The following HS3ST5 variants were observed in gnomAD, a reference collection of about 807,000 sequenced individuals.
The protein encoded by HS3ST5 is heparan sulfate-glucosamine 3-sulfotransferase 5, also known as heparan sulfate glucosamine 3-O-sulfotransferase 5.
HS3ST5 carries 10 observed loss-of-function variants against 25.4 expected under a neutral mutation model. The ratio of observed to expected loss-of-function variants is 0.39; its 90% CI spans 0.24 to 0.67. The LOEUF (loss-of-function observed/expected upper bound fraction) is 0.67. Among genes scored for constraint, HS3ST5 ranks in the 30% least tolerant of loss-of-function variants. The probability of loss-of-function intolerance (pLI) is 0.44; values close to 1 mark genes in which losing one functional copy is unlikely to be tolerated. For missense variants in HS3ST5, 324 were observed against 420.7 expected (o/e 0.77, Z 2.01); for synonymous variants, 170 against 162.4 (o/e 1.05, Z -0.36).
intron 1 of HS3ST5, among the ~76,000 whole-genome samples, chr6:114,287,279 T>C (rs1774380466): frequency 6.6e-6 from 1 of 152,028 alleles, no homozygotes; most frequent in African/African-American, 2.4e-5. Flanking sequence ...TATTTAATCA[T>C]TAGTTTACAA....
intron 3 of HS3ST5, among the ~76,000 whole-genome samples, chr6:114,071,711 C>G (rs1339563950): frequency 6.6e-6 from 1 of 152,124 alleles, no homozygotes; most frequent in Non-Finnish European, 1.5e-5. Flanking sequence ...TTGTATACTA[C>G]TTAGCAGGTT....
intron 4 of HS3ST5, among the ~76,000 whole-genome samples, chr6:114,062,225 A>G (rs1454798417): frequency 6.6e-6 from 1 of 152,202 alleles, no homozygotes; most frequent in Non-Finnish European, 1.5e-5. Flanking sequence ...TCAGCCCCTG[A>G]AAACCAGAGC....
chr6:114,113,946 C>T (rs867249999), intron 3 of HS3ST5, among the ~76,000 whole-genome samples: 1 of 152,056 alleles, frequency 6.6e-6, no homozygotes, highest in Non-Finnish European at 1.5e-5. Flanking sequence ...CAGTACCTAC[C>T]CATCTTTCTT....
chr6:114,119,819 G>T (rs143138666), intron 3 of HS3ST5, among the ~76,000 whole-genome samples: 2 of 152,192 alleles, frequency 1.3e-5, no homozygotes, highest in African/African-American at 4.8e-5. Context: ...AAAATGTTGG[G>T]GTTCAAAGAG....
chr6:114,206,068 C>A (rs1781266035), intron 2 of HS3ST5, among the ~76,000 whole-genome samples: 1 of 152,174 alleles, frequency 6.6e-6, no homozygotes, highest in Non-Finnish European at 1.5e-5. Flanking sequence ...CCTTCCTGCT[C>A]CCTCTTCACT....
At chr6:114,101,749 C>T (rs944955011) in intron 3 of HS3ST5, among the ~76,000 whole-genome samples, 11 of 152,250 alleles carry the variant, frequency 7.2e-5, no homozygotes, top group African/African-American at 2.4e-4. Flanking sequence ...CACATGCACA[C>T]GTGTGTTCAT....
At chr6:114,246,604 G>A (rs944121085) in intron 1 of HS3ST5, among the ~76,000 whole-genome samples, 1 of 152,166 alleles carries the variant, frequency 6.6e-6, no homozygotes, top group Non-Finnish European at 1.5e-5. Flanking sequence ...CTTAGGCAAC[G>A]CTTATACAGC....
intron 3 of HS3ST5, among the ~76,000 whole-genome samples, chr6:114,113,106 C>T (rs930444368): frequency 6.6e-6 from 1 of 152,166 alleles, no homozygotes; most frequent in African/African-American, 2.4e-5. Flanking sequence ...CCTGTTGTCT[C>T]TACACCATAG....
chr6:114,279,477 T>C (rs1401031925), intron 1 of HS3ST5, among the ~76,000 whole-genome samples: 2 of 152,060 alleles, frequency 1.3e-5, no homozygotes, highest in African/African-American at 2.4e-5. Context: ...ATCTAGACCA[T>C]GCGGTGATGG....
intron 1 of HS3ST5, among the ~76,000 whole-genome samples, chr6:114,326,178 C>CA (rs1454407580): frequency 6.6e-6 from 1 of 152,134 alleles, no homozygotes; most frequent in Non-Finnish European, 1.5e-5. Flanking sequence ...CACCTGAGCT[C>CA]AGGAGTTCCA....
chr6:114,330,801 T>G (rs1050581699), intron 1 of HS3ST5, among the ~76,000 whole-genome samples: 7 of 152,106 alleles, frequency 4.6e-5, no homozygotes, highest in African/African-American at 1.7e-4. Flanking sequence ...GACTGCAACA[T>G]GCGTCATTAC....
At chr6:114,060,538 A>C (rs1773049314) in intron 4 of HS3ST5, among the ~76,000 whole-genome samples, 1 of 151,898 alleles carries the variant, frequency 6.6e-6, no homozygotes, top group Admixed American at 6.5e-5. Context: ...TTAAGCTCTA[A>C]TTCCATAAGG....
chr6:114,156,894 A>G (rs966467839), intron 3 of HS3ST5, among the ~76,000 whole-genome samples: 3 of 148,256 alleles, frequency 2.0e-5, no homozygotes, highest in Non-Finnish European at 4.5e-5. Flanking sequence ...TTCTCCTCTC[A>G]CTCCAAGCTC....
chr6:114,060,240 C>T (rs1024515264), intron 4 of HS3ST5, among the ~76,000 whole-genome samples: 3 of 152,022 alleles, frequency 2.0e-5, no homozygotes, highest in Admixed American at 6.6e-5. Context: ...TCTTGAACTC[C>T]TGATCTCGTG....
chr6:114,106,688 T>C (rs907857996), intron 3 of HS3ST5, among the ~76,000 whole-genome samples: 2 of 152,122 alleles, frequency 1.3e-5, no homozygotes, highest in African/African-American at 4.8e-5. Flanking sequence ...CTGAAGCTTA[T>C]ACCATTACTG....
intron 3 of HS3ST5, among the ~76,000 whole-genome samples, chr6:114,064,233 TTGAG>T (rs1773320326): frequency 1.3e-5 from 2 of 152,176 alleles, no homozygotes; most frequent in Admixed American, 1.3e-4. Flanking sequence ...TATACTAGGA[TTGAG>T]TGATTGATCT....
chr6:114,214,552 T>G (rs1387023288), intron 2 of HS3ST5, among the ~76,000 whole-genome samples: 2 of 152,254 alleles, frequency 1.3e-5, no homozygotes, highest in Admixed American at 6.5e-5. Flanking sequence ...ATTCCCAATG[T>G]GTCCAGCACA....
rs568672325 is a variant in HS3ST5 at position 114,182,896 on chromosome 6, G to T, written c.-144-14434C>A. On this transcript the variant is annotated intron_variant, in intron 2 of 4. Coordinates refer to ENST00000312719, the MANE Select transcript of HS3ST5 (RefSeq NM_153612.4). The stretch of plus-strand genomic sequence containing the variant: ...AAACGGATGGCCCTACTCAGTGTGG[G>T]TTAACATTATCCAATTAGTTAAGGG... Among the ~76,000 whole-genome samples the T allele has an allele frequency of 3.3e-5, 5 of 152,272 alleles. No homozygotes were observed. In the South Asian group the frequency reaches 1.0e-3, roughly 32 times the overall value.
chr6:114,145,455 G>A (rs1222170229), intron 3 of HS3ST5, among the ~76,000 whole-genome samples: 10 of 152,178 alleles, frequency 6.6e-5, no homozygotes. Flanking sequence ...GAAATGAAAT[G>A]AGAATGTCGG....
Sources: gnomAD v4.1 joint callset for allele counts (sites outside exome capture counted in the v4.1 genomes callset) on GRCh38, gnomAD v4.1.1 for gene constraint, MANE v1.5 for transcripts, NCBI Gene and HGNC (gene_info 2026-07-23, HGNC 2026-07-21) for gene names.